Variants in TEX9 observed in about 807,000 individuals in gnomAD.
TEX9 encodes testis-expressed protein 9.
A neutral mutation model predicts 59.6 loss-of-function variants in TEX9; 74 were observed. The ratio of observed to expected loss-of-function variants is 1.24; its 90% CI spans 1.03 to 1.51. The LOEUF is 1.51. Ranked by LOEUF, TEX9 falls within the 40% of genes most tolerant of loss-of-function variation. The probability of loss-of-function intolerance (pLI) is 0.00; values close to 1 mark genes in which losing one functional copy is unlikely to be tolerated. For synonymous variants in TEX9, 186 were observed against 152.2 expected (o/e 1.22, Z -1.64); for missense variants, 522 against 447.8 (o/e 1.17, Z -1.49).
chr15:56,303,784 C>A (rs1462683361), intron 1 of TEX9, among the ~76,000 whole-genome samples: 3 of 151,882 alleles, frequency 2.0e-5, no homozygotes, highest in Admixed American at 6.6e-5. Flanking sequence ...AGTGAGAAGA[C>A]CCAAATAAAA....
Position 56,394,988 on chromosome 15 carries a change from T to C in TEX9, c.828+154T>C, listed in dbSNP as rs2048393912. ...TTACATAGAATATTTTTAACAACTT[T>C]ATTGAGATGTAATTCACCCTTTTAA... On this transcript the variant is annotated intron_variant, in intron 9 of 12. Coordinates refer to ENST00000352903, the Ensembl canonical transcript of TEX9. 4.1e-6 allele frequency: 3 copies of C among 729,150 alleles called. No individual in the cohort carries two copies. In the African/African-American group the frequency reaches 5.4e-5, roughly 13 times the overall value. 45.2% of individuals were successfully genotyped at this position (729,150 alleles called of 1,614,324 possible).
At chr15:56,453,928 T>A in the TEX9 span, among the ~76,000 whole-genome samples, 1 of 152,244 alleles carries the variant, frequency 6.6e-6, no homozygotes, top group African/African-American at 2.4e-5. Flanking sequence ...TTAATATAGG[T>A]GATTTTAAAT....
chr15:56,443,816 C>T (rs767931688), intron 12 of TEX9: 66 of 1,606,522 alleles, frequency 4.1e-5, no homozygotes, highest in Middle Eastern at 3.3e-4. Context: ...TATATACCTT[C>T]GCATTGCATT....
At chr15:56,364,166 T>C (rs941044122), upstream of TEX9, among the ~76,000 whole-genome samples, 1 of 152,164 alleles carries the variant, frequency 6.6e-6, no homozygotes, top group Non-Finnish European at 1.5e-5. Context: ...TTTTGTTTTT[T>C]TCTTGAGATG....
chr15:56,394,651 AT>A lies in TEX9; in HGVS notation c.655-9del, dbSNP rs2048369990. The A allele has an allele frequency of 5.2e-6, 8 of 1,528,720 alleles. No homozygotes were observed. Among genetic ancestry groups the A allele is most frequent in the Non-Finnish European group, 7.1e-6 (8 of 1,122,544 alleles). 94.7% of individuals were successfully genotyped at this position (1,528,720 alleles called of 1,614,324 possible). ...ATTTTTTCACATAATCTATAACTTT[AT>A]AACTATAGGAGGATGAAATTCAGAA... On this transcript the variant is annotated splice_polypyrimidine_tract_variant and intron_variant, in intron 8 of 12. Transcript: ENST00000352903.
At chr15:56,317,121 C>T (rs2045793576) in intron 1 of TEX9, among the ~76,000 whole-genome samples, 1 of 152,234 alleles carries the variant, frequency 6.6e-6, no homozygotes, top group Non-Finnish European at 1.5e-5. Flanking sequence ...CTGCGTCGCT[C>T]ACGCTGGGAG....
intron 1 of TEX9, among the ~76,000 whole-genome samples, chr15:56,297,286 G>A (rs202010668): frequency 1.7e-4 from 26 of 152,114 alleles, no homozygotes; most frequent in Admixed American, 6.5e-4. Flanking sequence ...AAAATAGGGC[G>A]TCTCTTAAGT....
At chr15:56,365,588 G>A (rs1361674729) in exon 2 of TEX9, 3 of 1,614,198 alleles carry the variant, frequency 1.9e-6, no homozygotes, top group Non-Finnish European at 2.5e-6. Context: ...GAGAAGCAGC[G>A]TTCCAGGGAC....
upstream of TEX9, among the ~76,000 whole-genome samples, chr15:56,365,178 C>A (rs1236123634): frequency 7.9e-5 from 12 of 152,196 alleles, no homozygotes; most frequent in African/African-American, 2.7e-4. Flanking sequence ...GGCAAAGGAC[C>A]TGCCTGTTTT....
intron 1 of TEX9, among the ~76,000 whole-genome samples, chr15:56,257,066 G>A (rs1001667612): frequency 6.6e-6 from 1 of 152,050 alleles, no homozygotes; most frequent in African/African-American, 2.4e-5. Flanking sequence ...GCGTTAGTTT[G>A]CTAAGGATAA....
chr15:56,375,597 A>G (rs532859926), intron 3 of TEX9, among the ~76,000 whole-genome samples: 85 of 152,242 alleles, frequency 5.6e-4, no homozygotes, highest in Admixed American at 9.2e-4. Flanking sequence ...GCCCATGCCT[A>G]TGTCCTGAAT....
intron 1 of TEX9, among the ~76,000 whole-genome samples, chr15:56,311,359 G>C (rs1218737454): frequency 7.1e-6 from 1 of 140,080 alleles, no homozygotes; most frequent in Non-Finnish European, 1.5e-5. Flanking sequence ...TGATCTCATT[G>C]TTCAGTCCCC....
chr15:56,291,320 A>G (rs1477789356), intron 1 of TEX9, among the ~76,000 whole-genome samples: 1 of 152,166 alleles, frequency 6.6e-6, no homozygotes, highest in African/African-American at 2.4e-5. Context: ...GCTTGTTTTC[A>G]CTTTGGATGG....
intron 12 of TEX9, chr15:56,444,617 C>T: frequency 1.2e-6 from 2 of 1,613,056 alleles, no homozygotes; most frequent in Non-Finnish European, 1.7e-6. Context: ...CATTCTCTTC[C>T]TTTATTATTC....
At chr15:56,438,675 A>C (rs2050769223) in intron 12 of TEX9, among the ~76,000 whole-genome samples, 1 of 152,250 alleles carries the variant, frequency 6.6e-6, no homozygotes, top group Non-Finnish European at 1.5e-5. Flanking sequence ...GCTTCCGCAC[A>C]GCAAAAGAAA....
rs548607138 is a variant in TEX9 at position 56,262,803 on chromosome 15, A to C, written c.-107+18525A>C. On this transcript the variant is annotated intron_variant, in intron 1 of 5. Coordinates refer to the TEX9 transcript ENST00000560827. ...TAGGTTACTATGGACATAAAAATTT[A>C]GGATTGTTGTGTTTTCCTGTTGAAT... is the stretch of plus-strand genomic sequence containing the variant. Among the ~76,000 whole-genome samples, 130 of 152,342 alleles carry C rather than the reference A, an allele frequency of 8.5e-4. 1 individual carries two copies. Among genetic ancestry groups the C allele is most frequent in the African/African-American group, 2.9e-3 (122 of 41,576 alleles).
intron 12 of TEX9, among the ~76,000 whole-genome samples, chr15:56,436,634 C>CA (rs1159738969): frequency 2.0e-5 from 3 of 151,986 alleles, no homozygotes; most frequent in African/African-American, 7.3e-5. Flanking sequence ...GATAGAGACA[C>CA]AAAAAACCCT....
At chr15:56,342,386 A>G (rs1297128984) in intron 1 of TEX9, among the ~76,000 whole-genome samples, 1 of 152,198 alleles carries the variant, frequency 6.6e-6, no homozygotes. Context: ...CCCCAAAACA[A>G]CTGGCTATAA....
chr15:56,306,888 T>A (rs1171075352), intron 1 of TEX9, among the ~76,000 whole-genome samples: 3 of 152,166 alleles, frequency 2.0e-5, no homozygotes, highest in Admixed American at 1.3e-4. Context: ...TATGTACCCA[T>A]GAAACATTGA....
Sources: gnomAD v4.1 joint callset for allele counts (sites outside exome capture counted in the v4.1 genomes callset) on GRCh38, gnomAD v4.1.1 for gene constraint, MANE v1.5 for transcripts, NCBI Gene and HGNC (gene_info 2026-07-23, HGNC 2026-07-21) for gene names.